STXBP5L: variants seen among roughly 807,000 people sequenced by gnomAD.
STXBP5L encodes the protein syntaxin binding protein 5L.
Under a neutral mutation model 144.5 loss-of-function variants are expected in STXBP5L, and 65 were observed. The observed-to-expected ratio is 0.45, with a 90% CI of 0.37 to 0.55. The LOEUF (loss-of-function observed/expected upper bound fraction) is 0.55. Ranked by LOEUF, STXBP5L falls within the 20% of genes least tolerant of loss-of-function variation. The pLI is 0.00. For synonymous variants in STXBP5L, 505 were observed against 469.6 expected (o/e 1.08, Z -0.97); for missense variants, 1,298 against 1,405.5 (o/e 0.92, Z 1.22).
chr3:121,349,831 T>G (rs1455730291), intron 20 of STXBP5L, among the ~76,000 whole-genome samples: 1 of 152,150 alleles, frequency 6.6e-6, no homozygotes, highest in East Asian at 1.9e-4. Flanking sequence ...CTCCATCCGT[T>G]TATTTTGAGC....
intron 7 of STXBP5L, among the ~76,000 whole-genome samples, chr3:121,131,443 G>T (rs1380693263): frequency 6.6e-6 from 1 of 152,110 alleles, no homozygotes; most frequent in Admixed American, 6.6e-5. Flanking sequence ...TCAAATATTA[G>T]ATAATACCAA....
rs753846155 is a variant in STXBP5L at position 121,381,579 on chromosome 3, T to A, written c.2587+47T>A. On this transcript the variant is annotated intron_variant, in intron 22 of 26. Transcript: ENST00000471454. The stretch of plus-strand genomic sequence containing the variant: ...TTCCTTCACTGTTACTTTTTCAAAT[T>A]TAGATATAAGGTATTATAAACATAA... 35 of 1,571,974 alleles carry A rather than the reference T, an allele frequency of 2.2e-5. No homozygotes were observed. The East Asian group carries it at 6.3e-4, about 28-fold the overall frequency.
chr3:121,215,995 G>A (rs147069564), intron 10 of STXBP5L, among the ~76,000 whole-genome samples: 2 of 151,862 alleles, frequency 1.3e-5, no homozygotes, highest in African/African-American at 4.8e-5. Context: ...TATCAATTTG[G>A]CTATTGATAC....
At chr3:120,991,986 TGC>T (rs1942934941) in intron 3 of STXBP5L, among the ~76,000 whole-genome samples, 2 of 152,152 alleles carry the variant, frequency 1.3e-5, no homozygotes, top group Admixed American at 1.3e-4. Context: ...TAGTGATTGC[TGC>T]TTTTTAAAAA....
In STXBP5L at chr3:120,984,514, A is replaced by AT. The variant is rs934577525; in HGVS notation, c.287+29487dup. 4.4e-3 allele frequency among the ~76,000 whole-genome samples: 622 copies of AT among 140,902 alleles called. 4 individuals are homozygous for AT. Among genetic ancestry groups the AT allele is most frequent in the African/African-American group, 0.012 (462 of 38,048 alleles). 92.4% of individuals were successfully genotyped at this position (140,902 alleles called of 152,430 possible). On this transcript the variant is annotated intron_variant, in intron 3 of 26. Transcript: ENST00000471454. ...CAATTCATTTATTAGTTCTAACGGGATTTTTTTTTTGGTGGGGGGAATCTT... is the reference window on the plus strand; with the variant it reads ...CAATTCATTTATTAGTTCTAACGGGATTTTTTTTTTTGGTGGGGGGAATCTT...
chr3:121,412,761 G>GA (rs11441738), intron 23 of STXBP5L, among the ~76,000 whole-genome samples: 12,508 of 102,464 alleles, frequency 0.12, 746 homozygotes, highest in African/African-American at 0.23. Flanking sequence ...AAAAGAAAAA[G>GA]AAAAAAAGAA....
At chr3:121,159,579 G>A (rs2046240703) in intron 9 of STXBP5L, among the ~76,000 whole-genome samples, 1 of 151,074 alleles carries the variant, frequency 6.6e-6, no homozygotes, top group African/African-American at 2.4e-5. Flanking sequence ...TCAGTGCAGA[G>A]CCAATTACCA....
At chr3:121,094,383 C>T (rs1462643016) in intron 5 of STXBP5L, among the ~76,000 whole-genome samples, 2 of 152,144 alleles carry the variant, frequency 1.3e-5, no homozygotes, top group East Asian at 1.9e-4. Context: ...GTTAAAGTCT[C>T]CCATTATTAT....
intron 3 of STXBP5L, among the ~76,000 whole-genome samples, chr3:120,959,067 C>G (rs1938411066): frequency 1.3e-5 from 2 of 152,182 alleles, no homozygotes; most frequent in African/African-American, 4.8e-5. Flanking sequence ...TCTCAGGATA[C>G]AAAATCAATG....
intron 5 of STXBP5L, among the ~76,000 whole-genome samples, chr3:121,096,860 T>G (rs1179877188): frequency 2.6e-5 from 4 of 152,162 alleles, no homozygotes; most frequent in Non-Finnish European, 5.9e-5. Context: ...ATGGTTAGTA[T>G]AGCTCAAACA....
chr3:121,030,324 A>AT (rs1223016572), intron 3 of STXBP5L, among the ~76,000 whole-genome samples: 1 of 152,174 alleles, frequency 6.6e-6, no homozygotes, highest in Non-Finnish European at 1.5e-5. Flanking sequence ...TGTGGTGCAT[A>AT]TATACCATGG....
In STXBP5L at chr3:121,378,537, T is replaced by A. The variant is rs969618063; in HGVS notation, c.2177-179T>A. 2.6e-5 allele frequency among the ~76,000 whole-genome samples: 4 copies of A among 152,100 alleles called. No homozygotes were observed. In the East Asian group the frequency reaches 7.7e-4, roughly 29 times the overall value. ...ATACTTAATAAATATCTTTTGAAAT[T>A]TTTGGCTAACTACTAAAATTATGAC... On this transcript the variant is annotated intron_variant, in intron 20 of 26. Coordinates refer to ENST00000471454, the MANE Select transcript of STXBP5L (RefSeq NM_001308330.2).
chr3:120,934,659 T>C (rs1221187961), intron 2 of STXBP5L, among the ~76,000 whole-genome samples: 1 of 152,072 alleles, frequency 6.6e-6, no homozygotes, highest in Admixed American at 6.6e-5. Context: ...TTGCTTTACG[T>C]ATTTTGATGC....
At chr3:121,417,191 A>G (rs1043160616) in intron 25 of STXBP5L, among the ~76,000 whole-genome samples, 1 of 152,182 alleles carries the variant, frequency 6.6e-6, no homozygotes, top group Non-Finnish European at 1.5e-5. Flanking sequence ...AGAGACTGCC[A>G]ATGAGCATGG....
chr3:121,015,418 A>G (rs923700196), intron 3 of STXBP5L, among the ~76,000 whole-genome samples: 5 of 152,210 alleles, frequency 3.3e-5, no homozygotes, highest in Admixed American at 6.5e-5. Flanking sequence ...ACCTACAGCC[A>G]GAAGCCTGAA....
At chr3:121,253,701 T>TCA (rs1467808567) in intron 15 of STXBP5L, among the ~76,000 whole-genome samples, 1 of 150,238 alleles carries the variant, frequency 6.7e-6, no homozygotes, top group Non-Finnish European at 1.5e-5. Flanking sequence ...CAGTCTCGGC[T>TCA]CACTGCAAGC....
At chr3:120,934,283 T>A (rs1023369390) in intron 2 of STXBP5L, among the ~76,000 whole-genome samples, 6 of 152,022 alleles carry the variant, frequency 3.9e-5, no homozygotes, top group African/African-American at 1.4e-4. Flanking sequence ...TGTTGTCTAA[T>A]CTCCAAGTAT....
intron 3 of STXBP5L, among the ~76,000 whole-genome samples, chr3:120,996,661 A>G (rs1214836805): frequency 1.3e-5 from 2 of 152,058 alleles, no homozygotes; most frequent in Admixed American, 6.6e-5. Context: ...CCCTGCTCCT[A>G]TGAATTCAAC....
chr3:121,202,589 A>G (rs1437137073), intron 9 of STXBP5L, among the ~76,000 whole-genome samples: 2 of 152,014 alleles, frequency 1.3e-5, no homozygotes, highest in East Asian at 3.9e-4. Context: ...TAGCTCTGTT[A>G]TCAACAAATT....
Sources: allele counts gnomAD v4.1 joint callset (sites outside exome capture counted in the v4.1 genomes callset), GRCh38; gene constraint gnomAD v4.1.1; transcripts MANE v1.5; gene names NCBI Gene and HGNC (gene_info 2026-07-23, HGNC 2026-07-21).